The following KIAA1217 variants were observed in gnomAD, a reference collection of about 807,000 sequenced individuals.
KIAA1217 encodes the protein sickle tail protein homolog.
KIAA1217 carries 88 observed loss-of-function variants against 163.9 expected under a neutral mutation model. That is an observed-to-expected ratio of 0.54 (90% CI 0.45 to 0.64). The LOEUF (loss-of-function observed/expected upper bound fraction) is 0.64, where lower values mean the gene tolerates loss of function less well. Among genes scored for constraint, KIAA1217 ranks in the 30% least tolerant of loss-of-function variants. KIAA1217 has a pLI of 0.00. For missense variants in KIAA1217, 2,372 were observed against 2,475.0 expected (o/e 0.96, Z 0.88); for synonymous variants, 903 against 923.1 (o/e 0.98, Z 0.39).
At chr10:23,717,457 G>A (rs955837200) in intron 1 of KIAA1217, among the ~76,000 whole-genome samples, 2 of 152,034 alleles carry the variant, frequency 1.3e-5, no homozygotes, top group Non-Finnish European at 2.9e-5. Flanking sequence ...AACTCACAAG[G>A]CGAGTTTTGG....
At chr10:24,471,401 A>C (rs138408344) in intron 5 of KIAA1217, among the ~76,000 whole-genome samples, 4 of 152,284 alleles carry the variant, frequency 2.6e-5, no homozygotes, top group African/African-American at 9.6e-5. Context: ...TATTTGGAGA[A>C]TCTCAGTGGT....
At chr10:24,482,525 TA>T (rs1440620028) in intron 6 of KIAA1217, 3 of 152,194 alleles carry the variant, frequency 2.0e-5, no homozygotes, top group Non-Finnish European at 4.4e-5. Flanking sequence ...CAGGAGCTGA[TA>T]ATCCTAGACT....
intron 2 of KIAA1217, among the ~76,000 whole-genome samples, chr10:24,245,283 G>A (rs550507147): frequency 5.9e-4 from 90 of 152,238 alleles, no homozygotes; most frequent in African/African-American, 2.0e-3. Flanking sequence ...TGGTCCCGTC[G>A]AAGTGACGAT....
rs146608999 is a variant in KIAA1217 at position 23,844,956 on chromosome 10, A to G, written c.-321+149722A>G. Among the ~76,000 whole-genome samples, 1,506 of 152,116 alleles carry G rather than the reference A, an allele frequency of 9.9e-3. 13 individuals are homozygous for G. Among genetic ancestry groups the G allele is most frequent in the Middle Eastern group, 0.044 (13 of 294 alleles). On this transcript the variant is annotated intron_variant, in intron 1 of 18. Transcript: ENST00000376462. The stretch of plus-strand genomic sequence containing the variant: ...CCATGTGTCCGTGTTAACCTTGTTC[A>G]ACTCCCACTTATGAGTGAGAACATG...
intron 9 of KIAA1217, among the ~76,000 whole-genome samples, chr10:24,504,034 C>G (rs550067231): frequency 6.6e-6 from 1 of 152,198 alleles, no homozygotes; most frequent in East Asian, 1.9e-4. Context: ...CCAAGGCTCT[C>G]TTGATGTCTG....
chr10:24,262,848 G>T (rs184061436), intron 2 of KIAA1217, among the ~76,000 whole-genome samples: 3 of 152,032 alleles, frequency 2.0e-5, no homozygotes, highest in Admixed American at 6.6e-5. Context: ...TACTTGGGAG[G>T]CTGAGGTGGG....
At chr10:23,830,434 A>G (rs1018209534) in intron 1 of KIAA1217, among the ~76,000 whole-genome samples, 1 of 152,116 alleles carries the variant, frequency 6.6e-6, no homozygotes, top group African/African-American at 2.4e-5. Context: ...GAAGAATTTA[A>G]TAGTAGAATT....
chr10:23,712,136 G>A (rs1331350587), intron 1 of KIAA1217, among the ~76,000 whole-genome samples: 1 of 152,090 alleles, frequency 6.6e-6, no homozygotes, highest in Non-Finnish European at 1.5e-5. Flanking sequence ...TAAAAGTCAA[G>A]GGCCAAACTG....
chr10:24,019,911 G>A (rs1167838765), intron 2 of KIAA1217, among the ~76,000 whole-genome samples: 3 of 151,916 alleles, frequency 2.0e-5, no homozygotes, highest in Non-Finnish European at 4.4e-5. Flanking sequence ...TAAAATAAAT[G>A]ATTCTCAGAT....
intron 2 of KIAA1217, among the ~76,000 whole-genome samples, chr10:24,165,609 T>G (rs1406123629): frequency 6.6e-6 from 1 of 152,128 alleles, no homozygotes; most frequent in Non-Finnish European, 1.5e-5. Context: ...AGAGATTAGA[T>G]TTAAGCTGGA....
intron 8 of KIAA1217, among the ~76,000 whole-genome samples, chr10:24,500,685 T>C (rs1556406): frequency 0.51 from 77,297 of 152,020 alleles, 20,529 homozygotes; most frequent in African/African-American, 0.65. Context: ...TTACATTTGC[T>C]GTGCAGAAAA....
At chr10:24,021,886 CAA>C (rs71397925) in intron 2 of KIAA1217, among the ~76,000 whole-genome samples, 130 of 150,988 alleles carry the variant, frequency 8.6e-4, no homozygotes, top group Admixed American at 1.5e-3. Flanking sequence ...CATCAATATA[CAA>C]AAAAAAAATA....
intron 1 of KIAA1217, among the ~76,000 whole-genome samples, chr10:23,833,269 G>A (rs1838295145): frequency 6.6e-6 from 1 of 151,922 alleles, no homozygotes; most frequent in African/African-American, 2.4e-5. Context: ...ATTCATTGAG[G>A]ACAGTTAACT....
intron 1 of KIAA1217, among the ~76,000 whole-genome samples, chr10:23,737,823 C>G (rs1040032371): frequency 6.6e-6 from 1 of 151,180 alleles, no homozygotes; most frequent in African/African-American, 2.4e-5. Flanking sequence ...CAGTTATTTT[C>G]TACTAAAATG....
intron 1 of KIAA1217, among the ~76,000 whole-genome samples, chr10:23,973,391 A>C (rs1845404806): frequency 6.6e-6 from 1 of 152,240 alleles, no homozygotes; most frequent in African/African-American, 2.4e-5. Context: ...GAGACTAGAA[A>C]GATTAAGTAA....
chr10:24,125,319 GCT>G (rs879298399), intron 2 of KIAA1217, among the ~76,000 whole-genome samples: 3 of 96,280 alleles, frequency 3.1e-5, no homozygotes, highest in African/African-American at 8.4e-5. Context: ...AGAATCCTAT[GCT>G]CTGTGTGTGT....
At chr10:24,113,950 G>A (rs905564686) in intron 2 of KIAA1217, among the ~76,000 whole-genome samples, 5 of 152,118 alleles carry the variant, frequency 3.3e-5, no homozygotes, top group African/African-American at 1.2e-4. Context: ...CCAAGCATGG[G>A]GCCCTTCTAA....
At chr10:23,706,791 G>A (rs891812234) in intron 1 of KIAA1217, among the ~76,000 whole-genome samples, 2 of 152,114 alleles carry the variant, frequency 1.3e-5, no homozygotes, top group African/African-American at 4.8e-5. Context: ...TAACACTGCT[G>A]TTCAGGCACT....
intron 2 of KIAA1217, among the ~76,000 whole-genome samples, chr10:24,264,306 A>G (rs576006876): frequency 1.3e-5 from 2 of 152,256 alleles, no homozygotes; most frequent in African/African-American, 4.8e-5. Context: ...GTTTTGTTGT[A>G]TGTCTGAGAC....
Sources: allele counts gnomAD v4.1 joint callset (sites outside exome capture counted in the v4.1 genomes callset), GRCh38; gene constraint gnomAD v4.1.1; transcripts MANE v1.5; gene names NCBI Gene and HGNC (gene_info 2026-07-23, HGNC 2026-07-21).